The following NF1 variants were observed in gnomAD, a reference collection of about 807,000 sequenced individuals.
The protein encoded by NF1 is neurofibromin.
Under a neutral mutation model 325.7 loss-of-function variants are expected in NF1, and 122 were observed. That is an observed-to-expected ratio of 0.37 (90% CI 0.32 to 0.44). The LOEUF (loss-of-function observed/expected upper bound fraction) is 0.44. Ranked by LOEUF, NF1 falls within the 20% of genes least tolerant of loss-of-function variation. NF1 has a pLI of 1.00. For missense variants in NF1, 2,140 were observed against 3,415.4 expected (o/e 0.63, Z 9.31); for synonymous variants, 1,091 against 1,186.0 (o/e 0.92, Z 1.65).
At chr17:31,350,444 A>C (rs2070112383) in intron 50 of NF1, 126 bp downstream of exon 50, 1 of 767,470 alleles carries the variant, frequency 1.3e-6, no homozygotes, top group Non-Finnish European at 2.2e-6. Flanking sequence ...GCCTAGGAAG[A>C]GTAAGTGAAA....
intron 36 of NF1, among the ~76,000 whole-genome samples, chr17:31,311,564 A>T (rs2151517467): frequency 6.6e-6 from 1 of 152,318 alleles, no homozygotes; most frequent in East Asian, 1.9e-4. Context: ...AGAGAAATTG[A>T]CCTTCAACTA....
chr17:31,199,390 T>A (rs1297532635), intron 8 of NF1, among the ~76,000 whole-genome samples: 2 of 152,252 alleles, frequency 1.3e-5, no homozygotes, highest in African/African-American at 2.4e-5. Flanking sequence ...TTAGTTTTTT[T>A]ATCTGCTGTT....
At chr17:31,284,716 G>C (rs190937545) in intron 36 of NF1, among the ~76,000 whole-genome samples, 300 of 152,232 alleles carry the variant, frequency 2.0e-3, no homozygotes, top group African/African-American at 6.8e-3. Flanking sequence ...AAGCCACTGT[G>C]CCCGGCCAAA....
Position 31,095,210 on chromosome 17 carries a change from C to A in NF1, c.-100C>A, listed in dbSNP as rs762149488. ...GAGCCTGCACTCCACAGACCCTCTC[C>A]TTGCCTCTTCCCTCACCTCAGCCTC... On this transcript the variant is annotated 5_prime_UTR_variant, in exon 1 of 58. Transcript: ENST00000358273. 5.2e-6 allele frequency: 6 copies of A among 1,146,724 alleles called. 1 individual carries two copies. The Admixed American group carries it at 1.2e-4, about 23-fold the overall frequency. 71.0% of individuals were successfully genotyped at this position (1,146,724 alleles called of 1,614,324 possible). A position where few individuals can be genotyped will look rare whatever the true frequency, so the allele number is the denominator to read the frequency against.
chr17:31,373,219 A>C (rs1039985238), intron 57 of NF1, among the ~76,000 whole-genome samples: 5 of 152,362 alleles, frequency 3.3e-5, no homozygotes, highest in African/African-American at 1.2e-4. Context: ...GTGATTAAAA[A>C]AATAAAAGCA....
At chr17:31,311,714 C>T (rs1338318011) in intron 36 of NF1, among the ~76,000 whole-genome samples, 4 of 152,128 alleles carry the variant, frequency 2.6e-5, no homozygotes, top group Non-Finnish European at 4.4e-5. Context: ...TGAGACACCA[C>T]GATGTTGGGT....
At chr17:31,201,260 C>A in intron 10 of NF1, 101 bp downstream of exon 10, 1 of 1,529,544 alleles carries the variant, frequency 6.5e-7, no homozygotes, top group African/African-American at 1.4e-5. Context: ...ATCGGTATTT[C>A]TCACTATTAT....
intron 57 of NF1, among the ~76,000 whole-genome samples, chr17:31,371,982 C>T (rs2070650631): frequency 6.6e-6 from 1 of 152,164 alleles, no homozygotes; most frequent in Non-Finnish European, 1.5e-5. Context: ...GGGAGGTCAT[C>T]CCAAGTTCAT....
rs756593267 is a variant in NF1, at chr17:31,343,000, CT to C, written c.7063-6del. 16 of 1,613,910 alleles carry C rather than the reference CT, an allele frequency of 9.9e-6. No individual in the cohort carries two copies. Among genetic ancestry groups the C allele is most frequent in the African/African-American group, 2.7e-5 (2 of 74,912 alleles). On this transcript the variant is annotated splice_region_variant and splice_polypyrimidine_tract_variant and intron_variant, in intron 47 of 57. Coordinates refer to ENST00000358273, the MANE Select transcript of NF1 (RefSeq NM_001042492.3). ...ACCTCATCAACCATCTCATGATTAT[CT>C]TTAATAGAGTCCAGAGGAAGTATTT...
chr17:31,276,263 A>G (rs2068008415), intron 36 of NF1, among the ~76,000 whole-genome samples: 1 of 151,794 alleles, frequency 6.6e-6, no homozygotes, highest in Non-Finnish European at 1.5e-5. Flanking sequence ...ATTCATTGAA[A>G]TACCTCCTGT....
intron 1 of NF1, among the ~76,000 whole-genome samples, chr17:31,098,997 A>G (rs548950751): frequency 2.0e-4 from 30 of 150,458 alleles, no homozygotes; most frequent in Non-Finnish European, 3.5e-4. Context: ...TGAATTTTGG[A>G]TTATATTATC....
At chr17:31,234,670 CAAAAAAAA>C (rs754308242) in intron 27 of NF1, among the ~76,000 whole-genome samples, 2 of 56,238 alleles carry the variant, frequency 3.6e-5, no homozygotes, top group African/African-American at 5.9e-5. Flanking sequence ...GACTCTGTCT[CAAAAAAAA>C]AAAAAAAAAA....
intron 5 of NF1, among the ~76,000 whole-genome samples, chr17:31,177,117 T>C (rs753341569): frequency 3.7e-4 from 57 of 152,328 alleles, no homozygotes; most frequent in Non-Finnish European, 6.9e-4. Flanking sequence ...TTTCACGATA[T>C]TGATTCTTCC....
intron 50 of NF1, 29 bp downstream of exon 50, chr17:31,350,347 A>G (rs992243720): frequency 3.8e-6 from 6 of 1,595,988 alleles, no homozygotes; most frequent in African/African-American, 2.7e-5. Context: ...CTATAATTAC[A>G]TAATCATAAT....
intron 5 of NF1, among the ~76,000 whole-genome samples, chr17:31,175,780 G>C (rs1408268849): frequency 6.6e-6 from 1 of 152,050 alleles, no homozygotes; most frequent in African/African-American, 2.4e-5. Flanking sequence ...TGTGGTGTTT[G>C]GTTTTCTGTT....
rs4795581 is a variant in NF1 at position 31,159,044 on chromosome 17, A to T, written c.239A>T (p.Tyr80Phe). Residue 80 changes from tyrosine to phenylalanine, a missense_variant, in exon 3 of 58, where the codon TAT (tyrosine) becomes TTT (phenylalanine). Physicochemically the swap from Tyr to Phe is conservative, Grantham distance 22 (BLOSUM62 3). Coordinates refer to ENST00000358273, the MANE Select transcript of NF1 (RefSeq NM_001042492.3). ...GGAGAAGCTGCTGAAAAAAATTTAT[A>T]TCTCTCTCAGTTGATTATATTGGAT... ...IFGEAAEKNL[Y>F]LSQLIILDTL... 2 of 1,609,122 alleles carry T rather than the reference A, an allele frequency of 1.2e-6. No individual in the cohort carries two copies. Among genetic ancestry groups the T allele is most frequent in the South Asian group, 2.2e-5 (2 of 90,976 alleles).
In NF1 at chr17:31,326,139, A is replaced by G. The variant is rs1434439252; in HGVS notation, c.5155A>G (p.Ile1719Val). ...CTGTCCTGGGAAACTGGCTGAGCAC[A>G]TAGAGCATGAACAACAGAAACTACC... ...IDCPGKLAEH[I>V]EHEQQKLPAA... Residue 1719 changes from isoleucine to valine, a missense_variant, in exon 37 of 58, where the codon ATA (isoleucine) becomes GTA (valine). Transcript: ENST00000358273. The G allele has an allele frequency of 1.9e-6, 3 of 1,613,172 alleles. No individual in the cohort carries two copies. Among genetic ancestry groups the G allele is most frequent in the Admixed American group, 3.3e-5 (2 of 59,926 alleles).
chr17:31,331,917 A>T (rs1481274400), intron 39 of NF1: 42 of 138,126 alleles, frequency 3.0e-4, no homozygotes, highest in Middle Eastern at 3.7e-3. Flanking sequence ...AAAAAAAAAA[A>T]AAAAAAAAAA....
intron 1 of NF1, among the ~76,000 whole-genome samples, chr17:31,121,808 C>T (rs904914110): frequency 6.6e-6 from 1 of 152,114 alleles, no homozygotes; most frequent in Admixed American, 6.6e-5. Context: ...TTTTGGTGTA[C>T]TGCTGGATTC....
Sources: allele counts gnomAD v4.1 joint callset (sites outside exome capture counted in the v4.1 genomes callset), GRCh38; gene constraint gnomAD v4.1.1; transcripts MANE v1.5; gene names NCBI Gene and HGNC (gene_info 2026-07-23, HGNC 2026-07-21).